Variants in DCBLD1 observed in about 807,000 individuals in gnomAD.
The protein encoded by DCBLD1 is discoidin, CUB and LCCL domain-containing protein 1.
A neutral mutation model predicts 71.5 loss-of-function variants in DCBLD1; 57 were observed. The observed-to-expected ratio is 0.80, with a 90% confidence interval of 0.64 to 0.99. DCBLD1 has a LOEUF of 0.99. Among genes scored for constraint, DCBLD1 ranks in the 50% least tolerant of loss-of-function variants. The pLI is 0.00. For missense variants in DCBLD1, 891 were observed against 923.5 expected, an observed-to-expected ratio of 0.96 and a Z score of 0.46; for synonymous variants, 380 against 363.8, an observed-to-expected ratio of 1.04 and a Z score of -0.51.
chr6:117,512,267 C>G (rs553937291), intron 2 of DCBLD1, among the ~76,000 whole-genome samples: 1 of 152,332 alleles, frequency 6.6e-6, no homozygotes, highest in South Asian at 2.1e-4. Flanking sequence ...ACACCTTTGT[C>G]TAAGAATCCG....
intron 14 of DCBLD1, among the ~76,000 whole-genome samples, chr6:117,557,749 A>G (rs210629): frequency 0.81 from 122,939 of 152,180 alleles, 50,310 homozygotes; most frequent in African/African-American, 0.95. Context: ...GGGCAACAAG[A>G]GTGAAACTCC....
In DCBLD1 at chr6:117,503,983, A is replaced by G. The variant is rs1370785020; in HGVS notation, c.325+4A>G. 3.1e-6 allele frequency: 5 copies of G among 1,613,722 alleles called. No homozygotes were observed. The Admixed American group carries it at 8.3e-5, about 27-fold the overall frequency. On this transcript the variant is annotated splice_donor_region_variant and intron_variant, in intron 2 of 14. Coordinates refer to ENST00000338728, the MANE Select transcript of DCBLD1 (RefSeq NM_001366458.2). ...ACCAGCTCTTCAGATCAATATGGTA[A>G]GAAAAGAGAACTAGGTTTCTCTGAG...
At chr6:117,501,508 A>G (rs901282831) in intron 1 of DCBLD1, among the ~76,000 whole-genome samples, 9 of 151,996 alleles carry the variant, frequency 5.9e-5, no homozygotes, top group Non-Finnish European at 5.9e-5. Context: ...TAATTTTTGT[A>G]TTTTTAGTAG....
chr6:117,488,189 C>T (rs1777156080), intron 1 of DCBLD1, among the ~76,000 whole-genome samples: 1 of 152,174 alleles, frequency 6.6e-6, no homozygotes. Flanking sequence ...CGGTGCCTGG[C>T]ACATAGCAGG....
downstream of DCBLD1, among the ~76,000 whole-genome samples, chr6:117,549,994 A>G (rs1779399291): frequency 6.6e-6 from 1 of 152,228 alleles, no homozygotes; most frequent in South Asian, 2.1e-4. Flanking sequence ...ATGTTTGAAA[A>G]TGGTGTTGTC....
Position 117,540,503 on chromosome 6 carries a change from G to C in DCBLD1, c.1102-165G>C, listed in dbSNP as rs116468007. ...AGCACCACCTTAGTTAGATAAATTG[G>C]CCCTTGTTTGCAAAGCCTCGTATCT... On this transcript the variant is annotated intron_variant, in intron 9 of 14. Transcript: ENST00000338728. 7.5e-4 allele frequency: 529 copies of C among 706,704 alleles called. 2 individuals are homozygous for C. The African/African-American group carries it at 8.7e-3, about 12-fold the overall frequency. The allele number at this position is 706,704 out of a possible 1,614,324, so 43.8% of individuals were successfully genotyped here. A position where few individuals can be genotyped will look rare whatever the true frequency, so the allele number is the denominator to read the frequency against.
chr6:117,515,900 T>C (rs1183575404), intron 2 of DCBLD1, among the ~76,000 whole-genome samples: 1 of 152,226 alleles, frequency 6.6e-6, no homozygotes, highest in East Asian at 1.9e-4. Flanking sequence ...ACCTGCCAGG[T>C]ACTATGCAGT....
At chr6:117,569,462 CT>C in intron 14 of DCBLD1, 1 of 1,382,954 alleles carries the variant, frequency 7.2e-7, no homozygotes, top group Admixed American at 2.7e-5. Flanking sequence ...GAAACAAGAA[CT>C]ATGTGTAAAC....
At position 117,540,766 on chromosome 6, in the gene DCBLD1, C is replaced by T. The variant is rs771299735; in HGVS notation, c.1200C>T (p.His400=). The part of the protein sequence containing the change: ...RYVRVVPQTW[H]QRIALKVELI... ...TGCGGGTTGTCCCCCAGACATGGCA[C>T]CAGAGGATAGCCTTGAAGGTGGAGC... The change falls in exon 10 of 15, where the codon CAC becomes CAT. Residue 400 remains histidine (H), a synonymous_variant. Transcript: ENST00000338728. 2.5e-6 allele frequency: 4 copies of T among 1,614,190 alleles called. No individual in the cohort carries two copies. The South Asian group carries it at 3.3e-5, about 13-fold the overall frequency.
downstream of DCBLD1, among the ~76,000 whole-genome samples, chr6:117,553,519 A>G (rs1485956438): frequency 6.6e-6 from 1 of 152,194 alleles, no homozygotes; most frequent in Non-Finnish European, 1.5e-5. Flanking sequence ...CCAAGTATAA[A>G]GAATTCTCCC....
rs1349298954 is a variant in DCBLD1 at position 117,490,745 on chromosome 6, G to C, written c.112+7852G>C. On this transcript the variant is annotated intron_variant, in intron 1 of 14. Transcript: ENST00000338728. ...TCTTCAAACTCAAATTATAACCGCTGTTGTGGCCTTCTTATTCAGTGTTCA... is the reference window on the plus strand; with the variant it reads ...TCTTCAAACTCAAATTATAACCGCTCTTGTGGCCTTCTTATTCAGTGTTCA... 2.7e-5 allele frequency among the ~76,000 whole-genome samples: 4 copies of C among 150,156 alleles called. 1 individual carries two copies. In the East Asian group the frequency reaches 7.7e-4, roughly 29 times the overall value.
chr6:117,548,176 G>T lies in DCBLD1; in HGVS notation c.1885G>T (p.Gly629Cys), dbSNP rs1342326688. The T allele has an allele frequency of 6.5e-7, 1 of 1,550,336 alleles. No individual in the cohort carries two copies. Residue 629 changes from glycine (G) to cysteine (C), a missense_variant, in exon 15 of 15, where the codon GGC becomes TGC. Coordinates refer to ENST00000338728, the MANE Select transcript of DCBLD1 (RefSeq NM_001366458.2). Reference protein sequence around the residue: ...SGYRVPGPQPGHKHSLSSGGF... With the variant: ...SGYRVPGPQPCHKHSLSSGGF... ...CTACCGCGTCCCAGGGCCCCAGCCCGGCCACAAACACTCCCTCTCCTCGGG... is the reference window on the plus strand; with the variant it reads ...CTACCGCGTCCCAGGGCCCCAGCCCTGCCACAAACACTCCCTCTCCTCGGG...
At chr6:117,547,489 T>C (rs1364471389) in intron 14 of DCBLD1, 3 of 476,078 alleles carry the variant, frequency 6.3e-6, no homozygotes, top group African/African-American at 5.9e-5. Flanking sequence ...GCTTTGGTCC[T>C]CATATCCTAT....
Position 117,548,590 on chromosome 6 carries a change from A to T in DCBLD1, c.*151A>T. ...TGTGATCCAGTAGGATCCTAGAGAC[A>T]ACCTGTCATACTGTTTACAAAATTG... On this transcript the variant is annotated 3_prime_UTR_variant, in exon 15 of 15. Transcript: ENST00000338728. 3 of 1,452,294 alleles carry T rather than the reference A, an allele frequency of 2.1e-6. No homozygotes were observed. Among genetic ancestry groups the T allele is most frequent in the South Asian group, 1.4e-5 (1 of 69,110 alleles). 90.0% of individuals were successfully genotyped at this position (1,452,294 alleles called of 1,614,324 possible).
chr6:117,492,287 C>T (rs1264577657), intron 1 of DCBLD1, among the ~76,000 whole-genome samples: 2 of 152,090 alleles, frequency 1.3e-5, no homozygotes, highest in African/African-American at 2.4e-5. Flanking sequence ...TTTTTTACAT[C>T]GAATTTAATC....
At chr6:117,532,037 C>T (rs1778738630) in intron 5 of DCBLD1, among the ~76,000 whole-genome samples, 1 of 152,184 alleles carries the variant, frequency 6.6e-6, no homozygotes, top group African/African-American at 2.4e-5. Flanking sequence ...TGGCTTCACT[C>T]ACATGTGTAG....
intron 4 of DCBLD1, among the ~76,000 whole-genome samples, chr6:117,525,061 G>A (rs934834741): frequency 1.1e-4 from 16 of 152,036 alleles, no homozygotes; most frequent in Non-Finnish European, 1.5e-5. Flanking sequence ...GTTTAGAAAT[G>A]TTCCTGTTTC....
intron 1 of DCBLD1, among the ~76,000 whole-genome samples, chr6:117,490,711 T>TTGATATGATTAAAATTTTTCCTATATG (rs1562427131): frequency 6.6e-6 from 1 of 151,176 alleles, no homozygotes; most frequent in African/African-American, 2.5e-5. Flanking sequence ...TTAGTTTTTA[T>TTGATATGATTAAAATTTTTCCTATATG]AGTCAGCATC....
At chr6:117,490,777 T>G (rs1438419621) in intron 1 of DCBLD1, among the ~76,000 whole-genome samples, 1 of 151,358 alleles carries the variant, frequency 6.6e-6, no homozygotes, top group Non-Finnish European at 1.5e-5. Flanking sequence ...TTCAACATAT[T>G]TACATTTACT....
Sources: allele counts gnomAD v4.1 joint callset (sites outside exome capture counted in the v4.1 genomes callset), GRCh38; gene constraint gnomAD v4.1.1; transcripts MANE v1.5; gene names NCBI Gene and HGNC (gene_info 2026-07-23, HGNC 2026-07-21).